SP2: variants seen among roughly 807,000 people sequenced by gnomAD.
The protein encoded by SP2 is transcription factor Sp2.
In SP2, 9 loss-of-function variants were observed where a neutral mutation model predicts 50.1. That is an observed-to-expected ratio of 0.18 (90% CI 0.11 to 0.31). The LOEUF is 0.31. Ranked by LOEUF, SP2 falls within the 10% of genes least tolerant of loss-of-function variation. The probability of loss-of-function intolerance (pLI) is 1.00; values close to 1 mark genes in which losing one functional copy is unlikely to be tolerated. For synonymous variants in SP2, 313 were observed against 326.6 expected (o/e 0.96, Z 0.45); for missense variants, 581 against 806.5 (o/e 0.72, Z 3.39).
Position 47,922,952 on chromosome 17 carries a change from C to A in SP2, c.1060-10C>A. ...CCAGGCACTGATTTTTTTTCTCTGG[C>A]CCCTCCCAGGTCTACATCCGCACGC... On this transcript the variant is annotated splice_polypyrimidine_tract_variant and intron_variant, in intron 3 of 6. Transcript: ENST00000376741. The A allele has an allele frequency of 6.3e-7, 1 of 1,595,596 alleles. No homozygotes were observed. Among genetic ancestry groups the A allele is most frequent in the Non-Finnish European group, 8.6e-7 (1 of 1,168,284 alleles).
intron 3 of SP2, among the ~76,000 whole-genome samples, chr17:47,919,431 A>T (rs542667736): frequency 2.4e-4 from 37 of 152,224 alleles, no homozygotes; most frequent in Non-Finnish European, 5.0e-4. Flanking sequence ...AATTTTTTTT[A>T]AAGAGATGAG....
intron 1 of SP2, among the ~76,000 whole-genome samples, chr17:47,900,775 TCAAACA>T (rs1342105407): frequency 6.6e-6 from 1 of 152,162 alleles, no homozygotes; most frequent in African/African-American, 2.4e-5. Context: ...AGACTCCATC[TCAAACA>T]AAAACAAAAC....
chr17:47,921,279 C>T (rs542330035), intron 3 of SP2, among the ~76,000 whole-genome samples: 5 of 152,218 alleles, frequency 3.3e-5, no homozygotes, highest in East Asian at 1.9e-4. Flanking sequence ...GATGGAGTCT[C>T]GCTCTGTCAC....
At position 47,916,823 on chromosome 17, in the gene SP2, G is replaced by A. The variant is rs1211672947; in HGVS notation, c.752G>A (p.Ser251Asn). 1.2e-6 allele frequency: 2 copies of A among 1,613,978 alleles called. No individual in the cohort carries two copies. Among genetic ancestry groups the A allele is most frequent in the South Asian group, 2.2e-5 (2 of 91,082 alleles). The stretch of plus-strand genomic sequence containing the variant: ...ACTAACAAGAAAGCAAGGAAGAAGA[G>A]CCTTCCTGCCTCCCAGCCCCCTGTG... ...SKTNKKARKK[S>N]LPASQPPVAV... Residue 251 changes from serine (S) to asparagine (N), a missense_variant, in exon 3 of 7, where the codon AGC becomes AAC. By Grantham distance (46) the Ser-to-Asn change is conservative. Coordinates refer to ENST00000376741, the MANE Select transcript of SP2 (RefSeq NM_003110.6). The surrounding 1 kb of genome is among the most constrained non-coding windows in gnomAD (Gnocchi z 4.7).
chr17:47,931,006 G>A (rs929509093), downstream of SP2, among the ~76,000 whole-genome samples: 2 of 151,910 alleles, frequency 1.3e-5, no homozygotes, highest in Non-Finnish European at 2.9e-5. Flanking sequence ...CAGCAAATGG[G>A]TCTTCCTTGC....
chr17:47,915,452 ACTCT>A, intron 2 of SP2, 64 bp downstream of exon 2: 2 of 1,041,042 alleles, frequency 1.9e-6, no homozygotes, highest in South Asian at 2.9e-5. Context: ...CACCGAAAAC[ACTCT>A]CTCTTCACTG....
intron 1 of SP2, among the ~76,000 whole-genome samples, chr17:47,903,542 G>T (rs776236540): frequency 6.6e-6 from 1 of 151,962 alleles, no homozygotes. Context: ...TGTCAGGCCC[G>T]TGTAATCCCA....
At chr17:47,923,784 C>T (rs1386279301) in intron 4 of SP2, among the ~76,000 whole-genome samples, 6 of 152,020 alleles carry the variant, frequency 3.9e-5, no homozygotes, top group Admixed American at 2.0e-4. Flanking sequence ...CACTCTGTCG[C>T]CCAGGCTGGA....
At chr17:47,911,942 G>A (rs2035006383) in intron 1 of SP2, among the ~76,000 whole-genome samples, 1 of 152,164 alleles carries the variant, frequency 6.6e-6, no homozygotes, top group African/African-American at 2.4e-5. Context: ...CAGCACTTAG[G>A]TGGAGGCATG....
At chr17:47,922,457 T>G (rs1191086252) in intron 3 of SP2, among the ~76,000 whole-genome samples, 2 of 152,208 alleles carry the variant, frequency 1.3e-5, no homozygotes, top group Non-Finnish European at 2.9e-5. Context: ...TCAATCTGAA[T>G]TGGAGAAAAG....
chr17:47,912,594 G>A (rs1440972520), intron 1 of SP2, among the ~76,000 whole-genome samples: 4 of 152,016 alleles, frequency 2.6e-5, no homozygotes, highest in Admixed American at 2.6e-4. Flanking sequence ...ATAGGCATGT[G>A]CCACCATGTC....
rs547012149 is a variant in SP2, at chr17:47,916,401, G to A, written c.330G>A (p.Leu110=). ...QLSASYPGGQ[L]VFAIQNPTMI... is the part of the protein sequence containing the mutation. ...GCGCCTCCTATCCTGGAGGGCAGCT[G>A]GTGTTCGCTATCCAGAATCCCACCA... is the stretch of plus-strand genomic sequence containing the variant. The change falls in exon 3 of 7, where the codon CTG becomes CTA. Residue 110 remains leucine (L), a synonymous_variant. Coordinates refer to ENST00000376741, the MANE Select transcript of SP2 (RefSeq NM_003110.6). The surrounding 1 kb of genome is among the most constrained non-coding windows in gnomAD (Gnocchi z 4.7). 2 of 1,614,088 alleles carry A rather than the reference G, an allele frequency of 1.2e-6. No homozygotes were observed. The highest frequency in any genetic ancestry group is 2.2e-5 in the East Asian group (1 of 44,874).
chr17:47,911,189 G>A (rs2034968644), intron 1 of SP2, among the ~76,000 whole-genome samples: 1 of 152,016 alleles, frequency 6.6e-6, no homozygotes, highest in East Asian at 1.9e-4. Flanking sequence ...TCACGCCACT[G>A]CTCTCCAGCC....
intron 1 of SP2, among the ~76,000 whole-genome samples, chr17:47,908,441 T>G (rs1488472082): frequency 1.3e-5 from 2 of 152,224 alleles, no homozygotes; most frequent in Non-Finnish European, 2.9e-5. Context: ...TGCCTTCCTT[T>G]GCAGTTCTGC....
At chr17:47,897,595 T>G (rs2143736963) in intron 1 of SP2, among the ~76,000 whole-genome samples, 1 of 152,310 alleles carries the variant, frequency 6.6e-6, no homozygotes, top group Non-Finnish European at 1.5e-5. Flanking sequence ...GGCATTCAGT[T>G]TCACAGTGGA....
At chr17:47,902,513 G>A (rs999500763) in intron 1 of SP2, among the ~76,000 whole-genome samples, 1 of 152,144 alleles carries the variant, frequency 6.6e-6, no homozygotes, top group African/African-American at 2.4e-5. Flanking sequence ...ATAGAAACCT[G>A]GACCTAGGTG....
chr17:47,907,655 G>A (rs879866753), intron 1 of SP2, among the ~76,000 whole-genome samples: 4 of 152,142 alleles, frequency 2.6e-5, no homozygotes, highest in South Asian at 2.1e-4. Context: ...TTCAGTGACC[G>A]GATGTAAACT....
chr17:47,907,072 T>C (rs151239016), intron 1 of SP2, among the ~76,000 whole-genome samples: 1 of 151,928 alleles, frequency 6.6e-6, no homozygotes, highest in East Asian at 1.9e-4. Flanking sequence ...GAGGGGCTAT[T>C]GGATTGAGCA....
chr17:47,915,291 C>T (rs766079853), intron 1 of SP2, 21 bp from the exon 2 acceptor site: 1 of 1,577,296 alleles, frequency 6.3e-7, no homozygotes, highest in Admixed American at 1.7e-5. Context: ...ATACATTACT[C>T]CATCTCTTTT....
Sources: gnomAD v4.1 joint callset for allele counts (sites outside exome capture counted in the v4.1 genomes callset) on GRCh38, gnomAD v4.1.1 for gene constraint, Gnocchi (gnomAD v3.1) non-coding constraint, MANE v1.5 for transcripts, NCBI Gene and HGNC (gene_info 2026-07-23, HGNC 2026-07-21) for gene names.